Variants in CRACD observed in about 807,000 individuals in gnomAD.
The protein encoded by CRACD is capping protein inhibiting regulator of actin dynamics.
CRACD carries 56 observed loss-of-function variants against 106.8 expected under a neutral mutation model. The observed-to-expected ratio is 0.52, with a 90% CI of 0.42 to 0.66. The LOEUF (loss-of-function observed/expected upper bound fraction) is 0.66, where lower values mean the gene tolerates loss of function less well. CRACD is among the 30% of genes least tolerant of loss of function. The pLI, the probability that CRACD is intolerant of heterozygous loss-of-function variation, is 0.00. For synonymous variants in CRACD, 754 were observed against 670.8 expected (o/e 1.12, Z -1.92); for missense variants, 1,730 against 1,623.2 (o/e 1.07, Z -1.13).
At chr4:56,241,508 C>G (rs184483308) in intron 2 of CRACD, among the ~76,000 whole-genome samples, 11 of 151,918 alleles carry the variant, frequency 7.2e-5, no homozygotes, top group African/African-American at 2.7e-4. Context: ...CTTTGGAAAC[C>G]GGCATTTCTC....
rs149291361 is a variant in CRACD, at chr4:56,245,141, C to T, written c.-188-27180C>T. Reference sequence around the variant, plus strand: ...ATTCCATCCTTGAAATAACCACCCCCTTCTCATGGAGTGTATCACTTCCTA... The same window carrying T: ...ATTCCATCCTTGAAATAACCACCCCTTTCTCATGGAGTGTATCACTTCCTA... On this transcript the variant is annotated intron_variant, in intron 2 of 10. Coordinates refer to ENST00000682029, the MANE Select transcript of CRACD (RefSeq NM_001393381.1). Among the ~76,000 whole-genome samples, 254 of 152,336 alleles carry T rather than the reference C, an allele frequency of 1.7e-3. 2 individuals are homozygous for T. Among genetic ancestry groups the T allele is most frequent in the Middle Eastern group, 0.014 (4 of 294 alleles).
At chr4:56,218,016 A>G (rs576229199) in intron 2 of CRACD, among the ~76,000 whole-genome samples, 2 of 151,784 alleles carry the variant, frequency 1.3e-5, no homozygotes, top group Non-Finnish European at 2.9e-5. Context: ...CTTGTACATG[A>G]TGTTGTCCCT....
chr4:56,286,591 A>G (rs1004294585), intron 3 of CRACD, among the ~76,000 whole-genome samples: 2 of 151,382 alleles, frequency 1.3e-5, no homozygotes, highest in African/African-American at 4.8e-5. Context: ...GAAAAGATGC[A>G]ACTTGGAGAT....
At chr4:56,105,236 C>T (rs1215804970) in intron 1 of CRACD, among the ~76,000 whole-genome samples, 1 of 152,124 alleles carries the variant, frequency 6.6e-6, no homozygotes, top group Admixed American at 6.6e-5. Flanking sequence ...AAGTGGCTGA[C>T]GCTTGTAATC....
intron 1 of CRACD, among the ~76,000 whole-genome samples, chr4:56,092,115 T>C (rs554381174): frequency 2.0e-5 from 3 of 152,126 alleles, no homozygotes; most frequent in Non-Finnish European, 4.4e-5. Context: ...TAGTGATAAG[T>C]GTCAAGAAGA....
At chr4:56,176,439 T>TTTC (rs1276142812) in intron 1 of CRACD, among the ~76,000 whole-genome samples, 1 of 150,660 alleles carries the variant, frequency 6.6e-6, no homozygotes, top group Non-Finnish European at 1.5e-5. Context: ...TTCTTTTTTT[T>TTTC]TTTTTTTGAG....
At chr4:56,102,785 A>G (rs1302946939) in intron 1 of CRACD, among the ~76,000 whole-genome samples, 1 of 152,214 alleles carries the variant, frequency 6.6e-6, no homozygotes, top group Non-Finnish European at 1.5e-5. Context: ...CCTCTCTGCC[A>G]GCCACACTGG....
intron 3 of CRACD, among the ~76,000 whole-genome samples, chr4:56,296,924 T>G (rs2014466): frequency 0.23 from 31,849 of 137,542 alleles, 4,040 homozygotes; most frequent in East Asian, 0.64. Context: ...TTGTTTGTTT[T>G]TTTTTTTTTT....
chr4:56,293,346 C>T (rs2109706420), intron 3 of CRACD, among the ~76,000 whole-genome samples: 1 of 152,246 alleles, frequency 6.6e-6, no homozygotes, highest in Non-Finnish European at 1.5e-5. Context: ...ATTTTAGAAG[C>T]ATTGTGTAAC....
At position 56,049,258 on chromosome 4, in the gene CRACD, G is replaced by T. The variant is rs1731780578; in HGVS notation, c.-377G>T. The T allele has an allele frequency of 6.6e-6, 1 of 151,174 alleles. No homozygotes were observed. Among genetic ancestry groups the T allele is most frequent in the Non-Finnish European group, 1.5e-5 (1 of 67,768 alleles). The allele number at this position is 151,174 out of a possible 1,614,324, so 9.4% of individuals were successfully genotyped here. A position where few individuals can be genotyped will look rare whatever the true frequency, so the allele number is the denominator to read the frequency against. On this transcript the variant is annotated 5_prime_UTR_variant, in exon 1 of 11. Coordinates refer to ENST00000682029, the MANE Select transcript of CRACD (RefSeq NM_001393381.1). ...GCCCGCCCGGGACCGCCGGTCGCCG[G>T]CCAGCCGCTCTGCCAGCCGGAGCGC...
chr4:56,137,513 C>T (rs1186686775), intron 1 of CRACD, among the ~76,000 whole-genome samples: 2 of 152,204 alleles, frequency 1.3e-5, no homozygotes, highest in Non-Finnish European at 2.9e-5. Context: ...TCTCTTCTCT[C>T]AGGGGTCACT....
At chr4:56,058,896 T>C (rs1732176228) in intron 1 of CRACD, among the ~76,000 whole-genome samples, 2 of 152,240 alleles carry the variant, frequency 1.3e-5, no homozygotes, top group Non-Finnish European at 2.9e-5. Flanking sequence ...CTTCAATTAA[T>C]TTCATAATCC....
chr4:56,229,444 C>T (rs961141211), intron 2 of CRACD, among the ~76,000 whole-genome samples: 15 of 152,202 alleles, frequency 9.9e-5, no homozygotes, highest in South Asian at 6.2e-4. Context: ...TATTCTGGCA[C>T]CTTGATCTTG....
At chr4:56,236,872 C>T (rs13150510) in intron 2 of CRACD, among the ~76,000 whole-genome samples, 18,473 of 152,154 alleles carry the variant, frequency 0.12, 1,849 homozygotes, top group East Asian at 0.5. Flanking sequence ...TAACTTCAGA[C>T]CATTTTCCAC....
intron 2 of CRACD, among the ~76,000 whole-genome samples, chr4:56,269,242 G>A (rs1021830128): frequency 3.9e-5 from 6 of 152,020 alleles, no homozygotes; most frequent in African/African-American, 1.4e-4. Flanking sequence ...AATTAGCCAG[G>A]GGTGGTGGCC....
intron 1 of CRACD, among the ~76,000 whole-genome samples, chr4:56,057,631 T>TTG (rs1732121328): frequency 6.7e-6 from 1 of 149,548 alleles, no homozygotes; most frequent in South Asian, 2.1e-4. Context: ...TTGGGTTTTT[T>TTG]TTTTTTTTTT....
chr4:56,218,486 C>T (rs538560378), intron 2 of CRACD, among the ~76,000 whole-genome samples: 47 of 121,156 alleles, frequency 3.9e-4, no homozygotes, highest in Admixed American at 1.3e-3. Flanking sequence ...CCCTCCCTTT[C>T]CTTCCCCTCC....
chr4:56,227,098 TC>T (rs1384644248), intron 2 of CRACD, among the ~76,000 whole-genome samples: 1 of 152,156 alleles, frequency 6.6e-6, no homozygotes, highest in African/African-American at 2.4e-5. Flanking sequence ...CCTTGGATGT[TC>T]CTTTATAGCA....
intron 2 of CRACD, among the ~76,000 whole-genome samples, chr4:56,226,276 A>G (rs1030151735): frequency 1.3e-5 from 2 of 152,208 alleles, no homozygotes; most frequent in African/African-American, 4.8e-5. Flanking sequence ...CCATCTCATT[A>G]GATGGGCACA....
Sources: gnomAD v4.1 joint callset for allele counts (sites outside exome capture counted in the v4.1 genomes callset) on GRCh38, gnomAD v4.1.1 for gene constraint, MANE v1.5 for transcripts, NCBI Gene and HGNC (gene_info 2026-07-23, HGNC 2026-07-21) for gene names.